The following SULF2 variants were observed in gnomAD, a reference collection of about 807,000 sequenced individuals.
The protein encoded by SULF2 is extracellular sulfatase Sulf-2.
Under a neutral mutation model 107.7 loss-of-function variants are expected in SULF2, and 52 were observed. The ratio of observed to expected loss-of-function variants is 0.48; its 90% CI spans 0.39 to 0.61. The LOEUF (loss-of-function observed/expected upper bound fraction) is 0.61, where lower values mean the gene tolerates loss of function less well. Ranked by LOEUF, SULF2 falls within the 20% of genes least tolerant of loss-of-function variation. The pLI is 0.00. For synonymous variants in SULF2, 460 were observed against 464.3 expected (o/e 0.99, Z 0.12); for missense variants, 993 against 1,177.3 (o/e 0.84, Z 2.29).
chr20:47,688,034 C>T (rs2088071250), intron 5 of SULF2, among the ~76,000 whole-genome samples: 1 of 151,838 alleles, frequency 6.6e-6, no homozygotes, highest in East Asian at 1.9e-4. Context: ...TGGGGGGGTG[C>T]ATGGGGAGGG....
intron 3 of SULF2, among the ~76,000 whole-genome samples, chr20:47,703,808 G>A (rs1217057304): frequency 1.3e-5 from 2 of 152,166 alleles, no homozygotes; most frequent in Non-Finnish European, 1.5e-5. Flanking sequence ...TTTACAGAAC[G>A]GAAGGCTACA....
intron 1 of SULF2, among the ~76,000 whole-genome samples, chr20:47,776,751 G>C (rs955899031): frequency 9.9e-5 from 15 of 152,198 alleles, no homozygotes; most frequent in African/African-American, 1.9e-4. Context: ...GTGGCATAAA[G>C]GGGACGATCC....
At chr20:47,706,948 C>T (rs769599206) in intron 3 of SULF2, 21 of 152,042 alleles carry the variant, frequency 1.4e-4, no homozygotes, top group Admixed American at 2.6e-4. Flanking sequence ...CCACATAAAT[C>T]GGTATTCCCA....
At chr20:47,726,994 T>C (rs924554319) in intron 3 of SULF2, among the ~76,000 whole-genome samples, 1 of 146,712 alleles carries the variant, frequency 6.8e-6, no homozygotes, top group African/African-American at 2.5e-5. Flanking sequence ...GGACCACAGC[T>C]GGGGCAGTGA....
At chr20:47,659,661 G>T in intron 19 of SULF2, 36 bp downstream of exon 19, 1 of 1,586,488 alleles carries the variant, frequency 6.3e-7, no homozygotes, top group South Asian at 1.1e-5. Context: ...CAAGATAGGA[G>T]AACTTTGTTT....
At chr20:47,704,333 C>G (rs1160259774) in intron 3 of SULF2, among the ~76,000 whole-genome samples, 1 of 151,944 alleles carries the variant, frequency 6.6e-6, no homozygotes, top group East Asian at 1.9e-4. Context: ...AGTGTAGTGG[C>G]ACCATCACGG....
intron 1 of SULF2, among the ~76,000 whole-genome samples, chr20:47,777,043 G>T (rs143091101): frequency 6.1e-4 from 93 of 152,336 alleles, no homozygotes; most frequent in African/African-American, 2.2e-3. Flanking sequence ...ATACAGCGAT[G>T]AACAAGACAG....
At chr20:47,702,876 C>T (rs1031061717) in intron 3 of SULF2, among the ~76,000 whole-genome samples, 3 of 152,146 alleles carry the variant, frequency 2.0e-5, no homozygotes, top group African/African-American at 4.8e-5. Context: ...TTTGGAAATA[C>T]GGTTATCAAA....
intron 2 of SULF2, among the ~76,000 whole-genome samples, chr20:47,750,234 C>A (rs1490625443): frequency 6.6e-6 from 1 of 152,196 alleles, no homozygotes; most frequent in Non-Finnish European, 1.5e-5. Flanking sequence ...CGTGCCTTGG[C>A]CTCCCAAAGC....
chr20:47,766,580 C>T (rs946293089), intron 1 of SULF2, among the ~76,000 whole-genome samples: 45 of 152,286 alleles, frequency 3.0e-4, no homozygotes, highest in African/African-American at 9.6e-4. Flanking sequence ...CCTGAAGGCT[C>T]GTGTGTGCCA....
At chr20:47,758,725 C>T (rs1407820478) in intron 1 of SULF2, among the ~76,000 whole-genome samples, 1 of 152,190 alleles carries the variant, frequency 6.6e-6, no homozygotes, top group Non-Finnish European at 1.5e-5. Flanking sequence ...CCTTCAAGTC[C>T]TGTCCAGATA....
At chr20:47,765,402 GTAA>G (rs2146946964) in intron 1 of SULF2, among the ~76,000 whole-genome samples, 1 of 151,266 alleles carries the variant, frequency 6.6e-6, no homozygotes. Flanking sequence ...GAGAAGTTTG[GTAA>G]TAATTAGGCA....
At position 47,659,701 on chromosome 20, in the gene SULF2, A is replaced by G; in HGVS notation, c.2524T>C (p.Tyr842His). ...GLKDGGSYEQ[Y>H]RQFQRRKWPE... Reference sequence around the variant, plus strand: ...TTTAATAATAAAACGAAATACCTGTATTGCTCATAGCTTCCTCCATCTTTA... The same window carrying G: ...TTTAATAATAAAACGAAATACCTGTGTTGCTCATAGCTTCCTCCATCTTTA... The change falls in exon 19 of 21, where the codon TAC (tyrosine) becomes CAC (histidine). Residue 842 changes from tyrosine to histidine, a missense_variant. This residue lies in a region of SULF2 where 497 missense variants were observed against 544.1 expected (regional missense o/e 0.91). Transcript: ENST00000688720. 1 of 1,612,624 alleles carries G rather than the reference A, an allele frequency of 6.2e-7. No homozygotes were observed. Among genetic ancestry groups the G allele is most frequent in the Non-Finnish European group, 8.5e-7 (1 of 1,178,782 alleles).
At chr20:47,690,465 T>C (rs1398137314) in intron 4 of SULF2, among the ~76,000 whole-genome samples, 170 bp from the exon 5 acceptor site, 1 of 152,010 alleles carries the variant, frequency 6.6e-6, no homozygotes, top group African/African-American at 2.4e-5. Context: ...AATAAGCAAG[T>C]AAAATAAATG....
At chr20:47,659,528 A>G in intron 19 of SULF2, 76 bp from the exon 20 acceptor site, 3 of 1,514,958 alleles carry the variant, frequency 2.0e-6, no homozygotes, top group Admixed American at 1.7e-5. Flanking sequence ...GAACTATACA[A>G]AGAAGGTCTC....
chr20:47,670,144 T>C (rs1244345983), intron 11 of SULF2, among the ~76,000 whole-genome samples: 4 of 152,170 alleles, frequency 2.6e-5, no homozygotes, highest in African/African-American at 9.7e-5. Context: ...GTCAGAGACC[T>C]CAATCTCTAA....
intron 1 of SULF2, among the ~76,000 whole-genome samples, chr20:47,761,867 G>T (rs956585634): frequency 1.3e-5 from 2 of 152,230 alleles, no homozygotes; most frequent in African/African-American, 4.8e-5. Context: ...ATTCCCACGT[G>T]TTGTGGGAGG....
Position 47,664,392 on chromosome 20 carries a change from C to T in SULF2, c.1998-203G>A, listed in dbSNP as rs563394995. On this transcript the variant is annotated intron_variant, in intron 14 of 20. Transcript: ENST00000688720. Reference sequence around the variant, plus strand: ...AGTGGCTTCTTTCTCCAAGCATGAGCCAGGACTCTGCCTGGACTTTTGCTA... The same window carrying T: ...AGTGGCTTCTTTCTCCAAGCATGAGTCAGGACTCTGCCTGGACTTTTGCTA... 6.6e-5 allele frequency among the ~76,000 whole-genome samples: 10 copies of T among 152,364 alleles called. No individual in the cohort carries two copies. In the South Asian group the frequency reaches 2.1e-3, roughly 32 times the overall value.
At chr20:47,670,653 G>A (rs1447228329) in intron 11 of SULF2, among the ~76,000 whole-genome samples, 4 of 1,972 alleles carry the variant, frequency 2.0e-3, no homozygotes, top group East Asian at 0.016. Context: ...TGCTGAGAAC[G>A]GGTGGGAGAA....
Sources: allele counts gnomAD v4.1 joint callset (sites outside exome capture counted in the v4.1 genomes callset), GRCh38; gene constraint gnomAD v4.1.1; regional missense constraint gnomAD v4.1.1; transcripts MANE v1.5; gene names NCBI Gene and HGNC (gene_info 2026-07-23, HGNC 2026-07-21).